LLGL2: variants seen among roughly 807,000 people sequenced by gnomAD.
LLGL2 encodes the protein LLGL2, scribble cell polarity complex component.
LLGL2 carries 81 observed loss-of-function variants against 123.2 expected under a neutral mutation model. The ratio of observed to expected loss-of-function variants is 0.66; its 90% CI spans 0.55 to 0.79. The LOEUF is 0.79. Among genes scored for constraint, LLGL2 ranks in the 30% least tolerant of loss-of-function variants. LLGL2 has a pLI of 0.00. For synonymous variants in LLGL2, 577 were observed against 594.1 expected (o/e 0.97, Z 0.42); for missense variants, 1,273 against 1,414.6 (o/e 0.90, Z 1.61).
intron 10 of LLGL2, among the ~76,000 whole-genome samples, chr17:75,567,290 C>A (rs1050491973): frequency 5.3e-5 from 8 of 152,076 alleles, no homozygotes; most frequent in Non-Finnish European, 8.8e-5. Flanking sequence ...ATGGTGAAAC[C>A]CTGTCTCTAC....
In LLGL2 at chr17:75,568,648, G is replaced by T. The variant is rs1330348266; in HGVS notation, c.1209G>T (p.Arg403=). The stretch of plus-strand genomic sequence containing the variant: ...ACATCCCGCTGAAGCTGTGGGAGCG[G>T]ATCATTGCCGCCGGCAGCCGGCAGA... ...VSNIPLKLWE[R]IIAAGSRQNA... Residue 403 remains arginine (R), a synonymous_variant, in exon 11 of 26, where the codon CGG becomes CGT. Coordinates refer to ENST00000392550, the MANE Select transcript of LLGL2 (RefSeq NM_001031803.2). 1 of 1,613,726 alleles carries T rather than the reference G, an allele frequency of 6.2e-7. No homozygotes were observed. Among genetic ancestry groups the T allele is most frequent in the East Asian group, 2.2e-5 (1 of 44,868 alleles).
rs1358031581 is a variant in LLGL2, at chr17:75,526,158, C to G, written c.-31+333C>G. Among the ~76,000 whole-genome samples the G allele has an allele frequency of 2.0e-5, 3 of 152,210 alleles. No homozygotes were observed. In the East Asian group the frequency reaches 5.8e-4, roughly 30 times the overall value. On this transcript the variant is annotated intron_variant, in intron 1 of 25. Coordinates refer to ENST00000392550, the MANE Select transcript of LLGL2 (RefSeq NM_001031803.2). The stretch of plus-strand genomic sequence containing the variant: ...GCACCGCGGGCAGAGACGGAGTCCC[C>G]GGGCCCACGTGCAGGCGCCAGGCCA...
intron 2 of LLGL2, among the ~76,000 whole-genome samples, chr17:75,551,474 AAAG>A (rs918034069): frequency 8.0e-5 from 12 of 150,534 alleles, no homozygotes; most frequent in African/African-American, 2.9e-4. Flanking sequence ...AGCCTTTGGA[AAAG>A]AAGGTGGGGA....
chr17:75,558,232 GC>G lies in LLGL2; in HGVS notation c.253del (p.Gln85SerfsTer18). 1 of 1,611,862 alleles carries G rather than the reference GC, an allele frequency of 6.2e-7. No individual in the cohort carries two copies. Among genetic ancestry groups the G allele is most frequent in the Non-Finnish European group, 8.5e-7 (1 of 1,179,222 alleles). On this transcript the variant is annotated frameshift_variant, in exon 4 of 26. Coordinates refer to ENST00000392550, the MANE Select transcript of LLGL2 (RefSeq NM_001031803.2). LOFTEE classifies it high-confidence loss of function. This position sits in a 1 kb window ranked among gnomAD's most constrained non-coding sequence, Gnocchi z 4.0. ...NAVTQIHLLPGQCQLVTLLDD... is the reference protein window; with the variant it reads ...NAVTQIHLLPXQCQLVTLLDD... The stretch of plus-strand genomic sequence containing the variant: ...GTGACGCAGATCCACCTCCTGCCCG[GC>G]CAGGTGAGGGACCTGGGGTGGGACA...
intron 2 of LLGL2, among the ~76,000 whole-genome samples, chr17:75,551,444 C>T (rs2054667894): frequency 6.7e-6 from 1 of 149,924 alleles, no homozygotes; most frequent in Non-Finnish European, 1.5e-5. Flanking sequence ...GTGGGTCTGA[C>T]TCAGTCCCTG....
At position 75,564,502 on chromosome 17, in the gene LLGL2, C is replaced by T; in HGVS notation, c.1031C>T (p.Ala344Val). The change falls in exon 10 of 26, where the codon GCA becomes GTA. Residue 344 changes from alanine to valine, a missense_variant. Physicochemically the swap from Ala to Val is moderately conservative, Grantham distance 64. Transcript: ENST00000392550. This position sits in a 1 kb window ranked among gnomAD's most constrained non-coding sequence, Gnocchi z 4.9. ...GFTVLTEADP[A>V]ATFDDPYALV... ...ACTGTCCTCACAGAGGCAGACCCTG[C>T]AGCCAGTAGGAGAGCTTCGGGAGTG... 1 of 1,613,216 alleles carries T rather than the reference C, an allele frequency of 6.2e-7. No individual in the cohort carries two copies. Among genetic ancestry groups the T allele is most frequent in the Non-Finnish European group, 8.5e-7 (1 of 1,179,978 alleles).
chr17:75,574,741 TCCCCTGGGTCCCACGGG>T, intron 25 of LLGL2, 73 bp downstream of exon 25: 1 of 1,592,544 alleles, frequency 6.3e-7, no homozygotes, highest in Non-Finnish European at 8.6e-7. Context: ...CCGGCCCCAC[TCCCCTGGGTCCCACGGG>T]GCTGACACGT....
At chr17:75,573,711 G>A in intron 21 of LLGL2, 80 bp downstream of exon 21, 5 of 1,372,718 alleles carry the variant, frequency 3.6e-6, no homozygotes, top group South Asian at 1.3e-5. Flanking sequence ...TCCCACTGCT[G>A]CCTGGCTGGA....
chr17:75,570,888 G>A (rs569763665), intron 16 of LLGL2, 62 bp from the exon 17 acceptor site: 227 of 1,531,848 alleles, frequency 1.5e-4, no homozygotes, highest in African/African-American at 2.7e-4. Context: ...AGCACTGAGC[G>A]AAGCACTGTT....
chr17:75,544,865 G>A lies in LLGL2; in HGVS notation c.75+1364G>A, dbSNP rs1023729903. On this transcript the variant is annotated intron_variant, in intron 2 of 25. Transcript: ENST00000392550. This position sits in a 1 kb window ranked among gnomAD's most constrained non-coding sequence, Gnocchi z 4.2. ...GGAATTAGGGCTTTCCTATCCCAAC[G>A]TGCCTCCTGCCAGCTCGCTTTTGGG... 2.0e-5 allele frequency among the ~76,000 whole-genome samples: 3 copies of A among 152,168 alleles called. No individual in the cohort carries two copies. The highest frequency in any genetic ancestry group is 2.1e-4 in the South Asian group (1 of 4,826).
At chr17:75,543,350 T>TA (rs2054290443) in intron 1 of LLGL2, 47 bp from the exon 2 acceptor site, 4 of 1,381,664 alleles carry the variant, frequency 2.9e-6, no homozygotes, top group Non-Finnish European at 4.0e-6. Context: ...GCCTAATCGA[T>TA]ACCTGAGTGC....
chr17:75,570,908 G>A (rs780378430), intron 16 of LLGL2, 42 bp from the exon 17 acceptor site: 10 of 1,556,694 alleles, frequency 6.4e-6, no homozygotes, highest in Non-Finnish European at 5.2e-6. Flanking sequence ...TCCTGGGGAG[G>A]GGAGTCCAGA....
intron 1 of LLGL2, 118 bp from the exon 2 acceptor site, chr17:75,543,279 C>T: frequency 1.6e-6 from 1 of 627,102 alleles, no homozygotes; most frequent in South Asian, 2.3e-5. Context: ...GCTGGCCTGG[C>T]CCCGGGGTGG....
chr17:75,530,780 C>A lies in LLGL2; in HGVS notation c.-31+4955C>A, dbSNP rs1001889790. On this transcript the variant is annotated intron_variant, in intron 1 of 25. Transcript: ENST00000392550. ...GAACTATGATGGCGCCACTGCACTC[C>A]AGCCTGGGTGACAGAGTGAGACTCT... 3.3e-5 allele frequency among the ~76,000 whole-genome samples: 5 copies of A among 152,244 alleles called. No individual in the cohort carries two copies. The South Asian group carries it at 1.0e-3, about 32-fold the overall frequency.
rs1258497695 is a variant in LLGL2 at position 75,559,428 on chromosome 17, C to T, written c.530+18C>T. 1.9e-6 allele frequency: 3 copies of T among 1,584,546 alleles called. No homozygotes were observed. The South Asian group carries it at 3.4e-5, about 18-fold the overall frequency. On this transcript the variant is annotated intron_variant, in intron 6 of 25. Transcript: ENST00000392550. The surrounding 1 kb of genome is among the most constrained non-coding windows in gnomAD (Gnocchi z 4.6). Reference sequence around the variant, plus strand: ...CTGCAGCGGTGAGCCCAGAGCCCAGCTGCTGTTAACTCCATCCCCTCAAGT... The same window carrying T: ...CTGCAGCGGTGAGCCCAGAGCCCAGTTGCTGTTAACTCCATCCCCTCAAGT...
rs758567092 is a variant in LLGL2 at position 75,556,084 on chromosome 17, C to T, written c.114C>T (p.Leu38=). 19 of 1,609,888 alleles carry T rather than the reference C, an allele frequency of 1.2e-5. No homozygotes were observed. The highest frequency in any genetic ancestry group is 3.3e-5 in the Admixed American group (2 of 60,026). The change falls in exon 3 of 26, where the codon CTC becomes CTT. Residue 38 remains leucine (L), a synonymous_variant. Coordinates refer to ENST00000392550, the MANE Select transcript of LLGL2 (RefSeq NM_001031803.2). ...EHGFPHQPSA[L]GYSPSLRILA... ...GCTTCCCGCACCAGCCCAGCGCCCT[C>T]GGCTACAGCCCGTCCCTGCGCATCC...
rs2055291929 is a variant in LLGL2, at chr17:75,563,058, G to A, written c.573G>A (p.Val191=). The change falls in exon 7 of 26, where the codon GTG becomes GTA. Residue 191 remains valine, a synonymous_variant. Coordinates refer to ENST00000392550, the MANE Select transcript of LLGL2 (RefSeq NM_001031803.2). ...GCCACCGGCGTGTGTTCGAGATGGTGGAGGCACTGCAGGAGCACCCTCGAG... is the reference window on the plus strand; with the variant it reads ...GCCACCGGCGTGTGTTCGAGATGGTAGAGGCACTGCAGGAGCACCCTCGAG... The part of the protein sequence containing the change: ...EARHRRVFEM[V]EALQEHPRDP... 3 of 1,612,960 alleles carry A rather than the reference G, an allele frequency of 1.9e-6. No individual in the cohort carries two copies. The highest frequency in any genetic ancestry group is 2.5e-6 in the Non-Finnish European group (3 of 1,180,044).
At chr17:75,540,313 T>C (rs1255998706) in intron 1 of LLGL2, among the ~76,000 whole-genome samples, 1 of 152,130 alleles carries the variant, frequency 6.6e-6, no homozygotes, top group Non-Finnish European at 1.5e-5. Context: ...GCCCGCCAGG[T>C]CTAGACCAGC....
At position 75,569,082 on chromosome 17, in the gene LLGL2, A is replaced by G. The variant is rs751107332; in HGVS notation, c.1427A>G (p.Asn476Ser). Residue 476 changes from asparagine to serine, a missense_variant, in exon 13 of 26, where the codon AAC becomes AGC. Asn to Ser is a conservative substitution (Grantham distance 46). Transcript: ENST00000392550. The part of the protein sequence containing the change: ...VRVFLTDTDP[N>S]ENFSAQGEDE... Reference sequence around the variant, plus strand: ...GTGTTCCTCACCGACACGGACCCCAACGAGAACTTCAGTGCCCAGGGCGAG... The same window carrying G: ...GTGTTCCTCACCGACACGGACCCCAGCGAGAACTTCAGTGCCCAGGGCGAG... 4.4e-5 allele frequency: 71 copies of G among 1,612,942 alleles called. No homozygotes were observed. The highest frequency in any genetic ancestry group is 5.7e-5 in the Non-Finnish European group (67 of 1,179,560).
Sources: allele counts gnomAD v4.1 joint callset (sites outside exome capture counted in the v4.1 genomes callset), GRCh38; gene constraint gnomAD v4.1.1; non-coding constraint Gnocchi (gnomAD v3.1); transcripts MANE v1.5; gene names NCBI Gene and HGNC (gene_info 2026-07-23, HGNC 2026-07-21).